Variants in CUL7 observed in about 807,000 individuals in gnomAD.
The protein encoded by CUL7 is cullin-7.
A neutral mutation model predicts 177.7 loss-of-function variants in CUL7; 96 were observed. The ratio of observed to expected loss-of-function variants is 0.54; its 90% CI spans 0.46 to 0.64. The LOEUF (loss-of-function observed/expected upper bound fraction) is 0.64. Ranked by LOEUF, CUL7 falls within the 30% of genes least tolerant of loss-of-function variation. The pLI, the probability that CUL7 is intolerant of heterozygous loss-of-function variation, is 0.00. For synonymous variants in CUL7, 824 were observed against 890.2 expected, an observed-to-expected ratio of 0.93 and a Z score of 1.32; for missense variants, 1,893 against 2,187.9, an observed-to-expected ratio of 0.87 and a Z score of 2.69.
intron 19 of CUL7, among the ~76,000 whole-genome samples, chr6:43,042,059 A>AAGGAAAGAAAG (rs1763476263): frequency 1.4e-5 from 2 of 139,536 alleles, no homozygotes; most frequent in Non-Finnish European, 3.3e-5. Context: ...AAGAAAGAGA[A>AAGGAAAGAAAG]AGAGAGAAAG....
chr6:43,043,899 CA>C lies in CUL7; in HGVS notation c.3173-270del, dbSNP rs1221083517. Among the ~76,000 whole-genome samples the C allele has an allele frequency of 6.6e-6, 1 of 152,178 alleles. No individual in the cohort carries two copies. The highest frequency in any genetic ancestry group is 1.5e-5 in the Non-Finnish European group (1 of 68,032). On this transcript the variant is annotated intron_variant, in intron 16 of 25. Transcript: ENST00000265348. The surrounding 1 kb of genome is among the most constrained non-coding windows in gnomAD (Gnocchi z 4.2). ...ATAAGCATAAAAAAATAGAAAAGGC[CA>C]GGTGCGGTGGCTCATGCCTGTAATC...
Position 43,049,614 on chromosome 6 carries a change from C to T in CUL7, c.1618G>A (p.Ala540Thr), listed in dbSNP as rs756636225. Residue 540 changes from alanine (A) to threonine (T), a missense_variant, in exon 7 of 26, where the codon GCC becomes ACC. Physicochemically the swap from Ala to Thr is moderately conservative, Grantham distance 58. This residue lies in a region of CUL7 where 653 missense variants were observed against 725.2 expected (regional missense o/e 0.90). Coordinates refer to ENST00000265348, the MANE Select transcript of CUL7 (RefSeq NM_014780.5). ...LAELAVPIELAQDLLLTLPQR... is the reference protein window; with the variant it reads ...LAELAVPIELTQDLLLTLPQR... ...GGCAGAGTCAGCAGCAAGTCCTGGG[C>T]CAATTCTATGGGCACGGCCAGTTCA... The T allele has an allele frequency of 1.2e-6, 2 of 1,614,184 alleles. No individual in the cohort carries two copies. Among genetic ancestry groups the T allele is most frequent in the East Asian group, 2.2e-5 (1 of 44,892 alleles).
Position 43,047,053 on chromosome 6 carries a change from A to G in CUL7, c.2224T>C (p.Tyr742His). ...CCCAGCTGATTCAGCACCACGGCAT[A>G]GTCCCTGCTCACTGAGGTCAGGCGG... Reference protein sequence around the residue: ...LHRLTSVSRDYAVVLNQLGAR... With the variant: ...LHRLTSVSRDHAVVLNQLGAR... Residue 742 changes from tyrosine (Y) to histidine (H), a missense_variant, in exon 10 of 26, where the codon TAT (tyrosine) becomes CAT (histidine). This residue lies in a region of CUL7 where 973 missense variants were observed against 1,140.9 expected (regional missense o/e 0.85). Coordinates refer to ENST00000265348, the MANE Select transcript of CUL7 (RefSeq NM_014780.5). 2 of 1,613,698 alleles carry G rather than the reference A, an allele frequency of 1.2e-6. No homozygotes were observed. The highest frequency in any genetic ancestry group is 1.7e-6 in the Non-Finnish European group (2 of 1,179,626).
rs753632250 is a variant in CUL7, at chr6:43,041,020, C to T, written c.3701G>A (p.Gly1234Asp). 5.0e-6 allele frequency: 8 copies of T among 1,613,836 alleles called. No homozygotes were observed. In the African/African-American group the frequency reaches 6.7e-5, roughly 13 times the overall value. ...CAGCCTCTCCATTTCCTGGGCTCCACCGATCCGGCTGCCCTGGATCTGCTG... is the reference window on the plus strand; with the variant it reads ...CAGCCTCTCCATTTCCTGGGCTCCATCGATCCGGCTGCCCTGGATCTGCTG... Reference protein sequence around the residue: ...IDQQIQGSRIGGAQEMERLAQ... With the variant: ...IDQQIQGSRIDGAQEMERLAQ... Residue 1234 changes from glycine to aspartate, a missense_variant, in exon 20 of 26, where the codon GGT becomes GAT. Transcript: ENST00000265348.
At position 43,053,634 on chromosome 6, in the gene CUL7, C is replaced by T; in HGVS notation, c.-21G>A. ...GGGCTCTGGCCACCTCAGAAGTCCA[C>T]CGGGGTCCTGGCGCGAGGCCTGTCC... On this transcript the variant is annotated 5_prime_UTR_variant, in exon 1 of 26. It adds an upstream start codon to the 5' untranslated region. Transcript: ENST00000265348. The surrounding 1 kb of genome is among the most constrained non-coding windows in gnomAD (Gnocchi z 4.1). The T allele has an allele frequency of 1.5e-6, 2 of 1,376,654 alleles. No individual in the cohort carries two copies. The highest frequency in any genetic ancestry group is 1.9e-6 in the Non-Finnish European group (2 of 1,069,844). The allele number at this position is 1,376,654 out of a possible 1,614,324, so 85.3% of individuals were successfully genotyped here.
rs766421323 is a variant in CUL7 at position 43,038,880 on chromosome 6, C to T, written c.4402G>A (p.Val1468Met). Residue 1468 changes from valine to methionine, a missense_variant, in exon 23 of 26, where the codon GTG becomes ATG. By Grantham distance (21) the Val-to-Met change is conservative (BLOSUM62 1). This residue lies in a region of CUL7 where 16 missense variants were observed against 40.0 expected (regional missense o/e 0.40). Coordinates refer to ENST00000265348, the MANE Select transcript of CUL7 (RefSeq NM_014780.5). The stretch of plus-strand genomic sequence containing the variant: ...AGATACAGCAGTAGCCACATCTGCA[C>T]GGTGGACACATGCAGGGTCTGGTTC... Reference protein sequence around the residue: ...FGNQTLHVSTVQMWLLLYLND... With the variant: ...FGNQTLHVSTMQMWLLLYLND... 2.0e-5 allele frequency: 32 copies of T among 1,614,036 alleles called. No individual in the cohort carries two copies. The highest frequency in any genetic ancestry group is 5.3e-5 in the African/African-American group (4 of 74,924).
At position 43,038,641 on chromosome 6, in the gene CUL7, G is replaced by A. The variant is rs1294277576; in HGVS notation, c.4492C>T (p.Leu1498Phe). 4.3e-6 allele frequency: 7 copies of A among 1,614,010 alleles called. No individual in the cohort carries two copies. Among genetic ancestry groups the A allele is most frequent in the Non-Finnish European group, 5.1e-6 (6 of 1,179,888 alleles). ...GTGAGGGGCCCAATCGCCTGATTGA[G>A]CATGTCTGCGGAGAGCCCTGAGAAC... ...LAFSGLSADM[L>F]NQAIGPLTSS... The change falls in exon 24 of 26, where the codon CTC (leucine) becomes TTC (phenylalanine). Residue 1498 changes from leucine to phenylalanine, a missense_variant. Around this residue, in one of 5 missense-constraint regions of CUL7, gnomAD observed 248 missense variants for 262.5 expected, o/e 0.94. Transcript: ENST00000265348.
At position 43,047,214 on chromosome 6, in the gene CUL7, GT is replaced by G. The variant is rs367625860; in HGVS notation, c.2170-108del. 1.0e-3 allele frequency: 763 copies of G among 740,808 alleles called. 9 individuals carry two copies. In the African/African-American group the frequency reaches 0.011, roughly 11 times the overall value. The allele number at this position is 740,808 out of a possible 1,614,324, so 45.9% of individuals were successfully genotyped here. A position where few individuals can be genotyped will look rare whatever the true frequency, so the allele number is the denominator to read the frequency against. On this transcript the variant is annotated intron_variant, in intron 9 of 25. Transcript: ENST00000265348. ...GTACTCTGTGTACTGGGTGCTAGGG[GT>G]GCTACAGTGAGCAAGGCAGAGTGAC...
chr6:43,048,450 C>T lies in CUL7; in HGVS notation c.1945G>A (p.Glu649Lys), dbSNP rs375625485. ...EQALSSEGTQ[E>K]NKVKPLLLQL... Reference sequence around the variant, plus strand: ...AGCAGGAGTGGCTTGACCTTGTTCTCCTGGGTCCCCTCTGAGCTGAGGGCT... The same window carrying T: ...AGCAGGAGTGGCTTGACCTTGTTCTTCTGGGTCCCCTCTGAGCTGAGGGCT... The change falls in exon 8 of 26, where the codon GAG (glutamate) becomes AAG (lysine). Residue 649 changes from glutamate (E) to lysine (K), a missense_variant. Physicochemically the swap from Glu to Lys is moderately conservative, Grantham distance 56 (BLOSUM62 1). Coordinates refer to ENST00000265348, the MANE Select transcript of CUL7 (RefSeq NM_014780.5). The T allele has an allele frequency of 1.2e-6, 2 of 1,613,956 alleles. No homozygotes were observed. Among genetic ancestry groups the T allele is most frequent in the African/African-American group, 1.3e-5 (1 of 74,892 alleles).
At position 43,045,674 on chromosome 6, in the gene CUL7, C is replaced by A; in HGVS notation, c.2775G>T (p.Val925=). The A allele has an allele frequency of 6.2e-7, 1 of 1,614,224 alleles. No homozygotes were observed. The highest frequency in any genetic ancestry group is 2.2e-5 in the East Asian group (1 of 44,876). Residue 925 remains valine (V), a synonymous_variant, in exon 14 of 26, where the codon GTG becomes GTT. Transcript: ENST00000265348. The surrounding 1 kb of genome is among the most constrained non-coding windows in gnomAD (Gnocchi z 4.8). ...SLHTELNSVN[V]MPSASRVILL... Reference sequence around the variant, plus strand: ...GGATCACCCGGCTGGCAGAGGGCATCACATTCACCTGGCAGGGGGCAGAGA... The same window carrying A: ...GGATCACCCGGCTGGCAGAGGGCATAACATTCACCTGGCAGGGGGCAGAGA...
chr6:43,048,258 G>A lies in CUL7; in HGVS notation c.2064-5C>T, dbSNP rs115073371. 2.2e-5 allele frequency: 36 copies of A among 1,611,614 alleles called. No homozygotes were observed. The African/African-American group carries it at 4.1e-4, about 19-fold the overall frequency. ...TCCACCAGCTGCTTCAGGATTCTGG[G>A]GGCAGAGAAATGTGTAGCCAGCCTC... On this transcript the variant is annotated splice_region_variant and splice_polypyrimidine_tract_variant and intron_variant, in intron 8 of 25. Transcript: ENST00000265348.
At chr6:43,046,743 G>A (rs1180816930) in intron 10 of CUL7, 137 bp downstream of exon 10, 1 of 1,369,844 alleles carries the variant, frequency 7.3e-7, no homozygotes, top group South Asian at 1.2e-5. Context: ...TGGGGCAGAG[G>A]GGAAGGGGAA....
At position 43,042,337 on chromosome 6, in the gene CUL7, G is replaced by GTTT. The variant is rs990850609; in HGVS notation, c.3645+462_3645+464dup. The stretch of plus-strand genomic sequence containing the variant: ...CTCATCAATTGTGGGGGGTTTTTTT[G>GTTT]TTTTTTTCTTTTTTTTGAGATGAGT... On this transcript the variant is annotated intron_variant, in intron 19 of 25. Coordinates refer to ENST00000265348, the MANE Select transcript of CUL7 (RefSeq NM_014780.5). Among the ~76,000 whole-genome samples the GTTT allele has an allele frequency of 2.0e-3, 308 of 151,570 alleles. 2 individuals are homozygous for GTTT. The highest frequency in any genetic ancestry group is 6.2e-3 in the African/African-American group (258 of 41,316).
rs4711737 is a variant in CUL7, at chr6:43,044,471, C to T, written c.3172+281G>A. On this transcript the variant is annotated intron_variant, in intron 16 of 25. Coordinates refer to ENST00000265348, the MANE Select transcript of CUL7 (RefSeq NM_014780.5). ...CCAAGATCATGCCATTGCACTCCAG[C>T]GTGGGTAACGAGCGAAAATCTGTCT... is the stretch of plus-strand genomic sequence containing the variant. 1.1e-4 allele frequency among the ~76,000 whole-genome samples: 17 copies of T among 150,288 alleles called. No individual in the cohort carries two copies. In the East Asian group the frequency reaches 2.1e-3, roughly 19 times the overall value.
intron 19 of CUL7, among the ~76,000 whole-genome samples, chr6:43,042,423 C>T (rs1204446010): frequency 6.6e-6 from 1 of 152,124 alleles, no homozygotes; most frequent in Admixed American, 6.5e-5. Flanking sequence ...CAACTGCAAC[C>T]TCCACTTCCT....
At position 43,043,689 on chromosome 6, in the gene CUL7, T is replaced by C. The variant is rs1437203055; in HGVS notation, c.3173-59A>G. On this transcript the variant is annotated intron_variant, in intron 16 of 25. Transcript: ENST00000265348. The surrounding 1 kb of genome is among the most constrained non-coding windows in gnomAD (Gnocchi z 4.2). ...CATGTCTGCAGGGAAGTGGGAGTGG[T>C]TGGGCTGAACAGGAGTGTGGAGATA... is the stretch of plus-strand genomic sequence containing the variant. 4 of 1,183,528 alleles carry C rather than the reference T, an allele frequency of 3.4e-6. No individual in the cohort carries two copies. The highest frequency in any genetic ancestry group is 1.9e-4 in the Middle Eastern group (1 of 5,300). 73.3% of individuals were successfully genotyped at this position (1,183,528 alleles called of 1,614,324 possible). A position where few individuals can be genotyped will look rare whatever the true frequency, so the allele number is the denominator to read the frequency against.
At position 43,050,315 on chromosome 6, in the gene CUL7, G is replaced by A. The variant is rs1031997087; in HGVS notation, c.1317C>T (p.Asp439=). The part of the protein sequence containing the change: ...EILGFEEDIE[D]MVEADEYQGA... ...CTTGGTACTCATCAGCCTCAACCAT[G>A]TCCTCAATGTCTTCCTCAAAGCCCA... Residue 439 remains aspartate, a synonymous_variant, in exon 5 of 26, where the codon GAC becomes GAT. Coordinates refer to ENST00000265348, the MANE Select transcript of CUL7 (RefSeq NM_014780.5). The surrounding 1 kb of genome is among the most constrained non-coding windows in gnomAD (Gnocchi z 4.1). 1.2e-6 allele frequency: 2 copies of A among 1,614,108 alleles called. No homozygotes were observed. The highest frequency in any genetic ancestry group is 1.7e-6 in the Non-Finnish European group (2 of 1,180,012).
chr6:43,051,901 G>T lies in CUL7; in HGVS notation c.581-138C>A. ...TGATTTGCTTCAAAAGCTAAAATTTGCTAACTTATACACATACACACACAC... is the reference window on the plus strand; with the variant it reads ...TGATTTGCTTCAAAAGCTAAAATTTTCTAACTTATACACATACACACACAC... On this transcript the variant is annotated intron_variant, in intron 2 of 25. Coordinates refer to ENST00000265348, the MANE Select transcript of CUL7 (RefSeq NM_014780.5). The surrounding 1 kb of genome is among the most constrained non-coding windows in gnomAD (Gnocchi z 5.0). 1 of 1,198,856 alleles carries T rather than the reference G, an allele frequency of 8.3e-7. No homozygotes were observed. The highest frequency in any genetic ancestry group is 1.2e-6 in the Non-Finnish European group (1 of 812,842). The allele number at this position is 1,198,856 out of a possible 1,614,324, so 74.3% of individuals were successfully genotyped here.
In CUL7 at chr6:43,051,661, G is replaced by A; in HGVS notation, c.683C>T (p.Ala228Val). 1 of 1,614,142 alleles carries A rather than the reference G, an allele frequency of 6.2e-7. No individual in the cohort carries two copies. The highest frequency in any genetic ancestry group is 8.5e-7 in the Non-Finnish European group (1 of 1,180,024). ...RCALLALFAQ[A>V]TLSEHPMSFE... is the part of the protein sequence containing the mutation. ...AGACATGGGGTGTTCAGAGAGCGTG[G>A]CCTGTGCAAACAGTGCTAGCAGAGC... The change falls in exon 3 of 26, where the codon GCC becomes GTC. Residue 228 changes from alanine (A) to valine (V), a missense_variant. Physicochemically the swap from Ala to Val is moderately conservative, Grantham distance 64 (BLOSUM62 0). This residue lies in a region of CUL7 where 653 missense variants were observed against 725.2 expected (regional missense o/e 0.90). Coordinates refer to ENST00000265348, the MANE Select transcript of CUL7 (RefSeq NM_014780.5). The surrounding 1 kb of genome is among the most constrained non-coding windows in gnomAD (Gnocchi z 5.0).
Sources: allele counts gnomAD v4.1 joint callset (sites outside exome capture counted in the v4.1 genomes callset), GRCh38; gene constraint gnomAD v4.1.1; regional missense constraint gnomAD v4.1.1; non-coding constraint Gnocchi (gnomAD v3.1); transcripts MANE v1.5; gene names NCBI Gene and HGNC (gene_info 2026-07-23, HGNC 2026-07-21).